Variants in BCL2L14 observed in about 807,000 individuals in gnomAD.
The protein encoded by BCL2L14 is apoptosis facilitator Bcl-2-like protein 14.
In BCL2L14, 27 loss-of-function variants were observed where a neutral mutation model predicts 35.3. That is an observed-to-expected ratio of 0.76 (90% CI 0.56 to 1.05). The LOEUF (loss-of-function observed/expected upper bound fraction) is 1.05, where lower values mean the gene tolerates loss of function less well. Ranked by LOEUF, BCL2L14 falls within the 50% of genes least tolerant of loss-of-function variation. The pLI is 0.00. For synonymous variants in BCL2L14, 139 were observed against 145.9 expected, an observed-to-expected ratio of 0.95 and a Z score of 0.34; for missense variants, 377 against 382.6, an observed-to-expected ratio of 0.99 and a Z score of 0.12.
At chr12:12,085,042 C>T (rs2136760568) in intron 2 of BCL2L14, among the ~76,000 whole-genome samples, 1 of 147,428 alleles carries the variant, frequency 6.8e-6, no homozygotes, top group Admixed American at 6.9e-5. Flanking sequence ...CGAGATCGTG[C>T]CATTGCACTC....
At chr12:12,051,647 TA>T (rs1948359230) in intron 1 of BCL2L14, 1 of 152,228 alleles carries the variant, frequency 6.6e-6, no homozygotes, top group African/African-American at 2.4e-5. Context: ...CCATTCCTCC[TA>T]AATCTTCTCT....
At chr12:12,098,552 C>T (rs1949363380) in intron 5 of BCL2L14, among the ~76,000 whole-genome samples, 1 of 152,174 alleles carries the variant, frequency 6.6e-6, no homozygotes, top group African/African-American at 2.4e-5. Context: ...TACTCCTTGG[C>T]TCTTTGTGCT....
rs1949272734 is a variant in BCL2L14 at position 12,094,689 on chromosome 12, G to T, written c.704G>T (p.Gly235Val). Residue 235 changes from glycine (G) to valine (V), a missense_variant, in exon 5 of 6, where the codon GGC (glycine) becomes GTC (valine). Physicochemically the swap from Gly to Val is moderately radical, Grantham distance 109. Transcript: ENST00000308721. The stretch of plus-strand genomic sequence containing the variant: ...CTGAAGAAAGATAAGGCTTTGATGG[G>T]CCACTTCCAGGATGGGCTGTCCTAC... ...RKLKKDKALM[G>V]HFQDGLSYSV... 6.2e-7 allele frequency: 1 copy of T among 1,614,090 alleles called. No homozygotes were observed. The highest frequency in any genetic ancestry group is 1.3e-5 in the African/African-American group (1 of 74,920).
At chr12:12,050,450 GAA>G (rs1948334676) in intron 1 of BCL2L14, among the ~76,000 whole-genome samples, 2 of 51,204 alleles carry the variant, frequency 3.9e-5, no homozygotes, top group African/African-American at 5.1e-5. Flanking sequence ...AAAAAAAAAA[GAA>G]AAGAAAAGAA....
In BCL2L14 at chr12:12,088,266, G is replaced by A. The variant is rs184858433; in HGVS notation, c.607+880G>A. ...GCGACAGAGTGCACCGGATTTTATA[G>A]ACAGGTTTGAGGAGGTGGTGTCTGA... On this transcript the variant is annotated intron_variant, in intron 3 of 5. Coordinates refer to ENST00000308721, the MANE Select transcript of BCL2L14 (RefSeq NM_138723.2). Among the ~76,000 whole-genome samples, 344 of 152,296 alleles carry A rather than the reference G, an allele frequency of 2.3e-3. 1 individual carries two copies. The highest frequency in any genetic ancestry group is 2.1e-3 in the Non-Finnish European group (140 of 68,020).
chr12:12,075,290 T>C (rs1274235368), intron 1 of BCL2L14, among the ~76,000 whole-genome samples: 1 of 151,904 alleles, frequency 6.6e-6, no homozygotes, highest in Non-Finnish European at 1.5e-5. Flanking sequence ...GCCCAGCTAA[T>C]TTTTGTATTT....
At position 12,065,157 on chromosome 12, in the gene BCL2L14, G is replaced by A. The variant is rs144937254; in HGVS notation, c.-271-12549G>A. 9.5e-3 allele frequency among the ~76,000 whole-genome samples: 1,440 copies of A among 152,232 alleles called. 23 individuals carry two copies. Among genetic ancestry groups the A allele is most frequent in the Middle Eastern group, 0.014 (4 of 294 alleles). On this transcript the variant is annotated intron_variant, in intron 2 of 3. Coordinates refer to the BCL2L14 transcript ENST00000461264. ...TTAACACATGCATACACACAGGATC[G>A]CTCAATGATGAGTGACTCAAAGGAG... is the stretch of plus-strand genomic sequence containing the variant.
chr12:12,089,556 G>A (rs185755649), intron 3 of BCL2L14, among the ~76,000 whole-genome samples: 1 of 151,546 alleles, frequency 6.6e-6, no homozygotes, highest in South Asian at 2.1e-4. Context: ...AAATTAGCCG[G>A]GTGTGGTGGC....
At chr12:12,095,024 T>C (rs1412968958) in intron 5 of BCL2L14, 94 bp downstream of exon 5, 1 of 1,488,400 alleles carries the variant, frequency 6.7e-7, no homozygotes, top group Non-Finnish European at 8.8e-7. Flanking sequence ...AACACATCTA[T>C]GAAGCAGTTC....
chr12:12,081,268 C>T (rs1948918367), intron 2 of BCL2L14, among the ~76,000 whole-genome samples: 1 of 151,856 alleles, frequency 6.6e-6, no homozygotes, highest in African/African-American at 2.4e-5. Context: ...GGCATCATAG[C>T]AAGACCCTGT....
rs1949272870 is a variant in BCL2L14, at chr12:12,094,690, C to T, written c.705C>T (p.Gly235=). The T allele has an allele frequency of 5.6e-6, 9 of 1,614,172 alleles. No homozygotes were observed. The highest frequency in any genetic ancestry group is 1.3e-5 in the African/African-American group (1 of 75,028). ...TGAAGAAAGATAAGGCTTTGATGGG[C>T]CACTTCCAGGATGGGCTGTCCTACT... ...RKLKKDKALM[G]HFQDGLSYSV... The change falls in exon 5 of 6, where the codon GGC becomes GGT. Residue 235 remains glycine, a synonymous_variant. Transcript: ENST00000308721.
Position 12,052,858 on chromosome 12 carries a change from G to A in BCL2L14, c.-272+1011G>A, listed in dbSNP as rs753616784. ...AGTTTAGTGATAGAGACCAAAAGGA[G>A]TATACGTCTGAGCATTCCAACTTAG... is the stretch of plus-strand genomic sequence containing the variant. On this transcript the variant is annotated intron_variant, in intron 2 of 3. Coordinates refer to the BCL2L14 transcript ENST00000461264. 4.6e-5 allele frequency among the ~76,000 whole-genome samples: 7 copies of A among 152,222 alleles called. No homozygotes were observed. In the South Asian group the frequency reaches 1.5e-3, roughly 32 times the overall value.
At chr12:12,052,214 C>G (rs1211761154) in intron 2 of BCL2L14, among the ~76,000 whole-genome samples, 2 of 152,174 alleles carry the variant, frequency 1.3e-5, no homozygotes, top group Non-Finnish European at 2.9e-5. Context: ...TCCATCACCT[C>G]ACAAACTTAC....
At chr12:12,067,969 T>C (rs1591811214), upstream of BCL2L14, among the ~76,000 whole-genome samples, 1 of 152,244 alleles carries the variant, frequency 6.6e-6, no homozygotes, top group East Asian at 1.9e-4. Flanking sequence ...GGTCTGGCTC[T>C]GTCACCCAGG....
chr12:12,062,768 C>T (rs1416242327), intron 2 of BCL2L14, among the ~76,000 whole-genome samples: 1 of 152,106 alleles, frequency 6.6e-6, no homozygotes, highest in Admixed American at 6.6e-5. Flanking sequence ...TTAGCCTTCC[C>T]ACCTCTATAC....
Position 12,079,341 on chromosome 12 carries a change from C to G in BCL2L14, c.36C>G (p.Ile12Met). ...CCAGTGGGTGTGACCTGGAAGAAATCCCCCTAGATGATGATGACCTAAACA... is the reference window on the plus strand; with the variant it reads ...CCAGTGGGTGTGACCTGGAAGAAATGCCCCTAGATGATGATGACCTAAACA... ...CSTSGCDLEE[I>M]PLDDDDLNTI... Residue 12 changes from isoleucine (I) to methionine (M), a missense_variant, in exon 2 of 6, where the codon ATC becomes ATG. Physicochemically the swap from Ile to Met is conservative, Grantham distance 10. Transcript: ENST00000308721. The G allele has an allele frequency of 6.2e-7, 1 of 1,614,056 alleles. No homozygotes were observed. The highest frequency in any genetic ancestry group is 1.1e-5 in the South Asian group (1 of 91,052).
At chr12:12,078,403 TA>T (rs10716109) in intron 1 of BCL2L14, among the ~76,000 whole-genome samples, 20,588 of 152,090 alleles carry the variant, frequency 0.14, 1,899 homozygotes, top group East Asian at 0.27. Flanking sequence ...GCAAGACCTT[TA>T]ACTCCACAGT....
At chr12:12,057,624 A>T (rs539376486) in intron 2 of BCL2L14, among the ~76,000 whole-genome samples, 2 of 151,884 alleles carry the variant, frequency 1.3e-5, no homozygotes, top group South Asian at 2.1e-4. Context: ...GGGTGTGGTG[A>T]CACATGCCTG....
At chr12:12,086,053 C>T (rs1376407460) in intron 2 of BCL2L14, among the ~76,000 whole-genome samples, 1 of 152,182 alleles carries the variant, frequency 6.6e-6, no homozygotes, top group East Asian at 1.9e-4. Flanking sequence ...GTGGCTCATC[C>T]TTGTAATCCT....
Sources: allele counts gnomAD v4.1 joint callset (sites outside exome capture counted in the v4.1 genomes callset), GRCh38; gene constraint gnomAD v4.1.1; transcripts MANE v1.5; gene names NCBI Gene and HGNC (gene_info 2026-07-23, HGNC 2026-07-21).